The following C2CD2L variants were observed in gnomAD, a reference collection of about 807,000 sequenced individuals.
C2CD2L encodes phospholipid transfer protein C2CD2L.
A neutral mutation model predicts 69.9 loss-of-function variants in C2CD2L; 24 were observed. The observed-to-expected ratio is 0.34, with a 90% CI of 0.25 to 0.48. The LOEUF is 0.48. Among genes scored for constraint, C2CD2L ranks in the 20% least tolerant of loss-of-function variants. C2CD2L has a pLI of 0.99. For synonymous variants in C2CD2L, 367 were observed against 391.0 expected (o/e 0.94, Z 0.72); for missense variants, 811 against 941.5 (o/e 0.86, Z 1.81).
chr11:119,107,960 G>A lies in C2CD2L; in HGVS notation c.219G>A (p.Arg73=). Residue 73 remains arginine (R), a synonymous_variant, in exon 1 of 14, where the codon CGG becomes CGA. Coordinates refer to ENST00000648610, the MANE Select transcript of C2CD2L (RefSeq NM_001290474.2). This position sits in a 1 kb window ranked among gnomAD's most constrained non-coding sequence, Gnocchi z 5.4. ...TGTGGCGCTCGCTGCTGCGGCTGCG[G>A]GCGACTCGGGCTGGCGCCGCCGAGG... The part of the protein sequence containing the change: ...LGVWRSLLRL[R]ATRAGAAEEP... 1 of 1,548,902 alleles carries A rather than the reference G, an allele frequency of 6.5e-7. No homozygotes were observed. The highest frequency in any genetic ancestry group is 1.2e-5 in the South Asian group (1 of 85,032).
Position 119,112,570 on chromosome 11 carries a change from AG to A in C2CD2L, c.1176del (p.Ala394ProfsTer65). On this transcript the variant is annotated frameshift_variant, in exon 9 of 14. Coordinates refer to ENST00000648610, the MANE Select transcript of C2CD2L (RefSeq NM_001290474.2). LOFTEE classifies it high-confidence loss of function. ...AGTTGTGCCCACTCACCCCAGGGCC[AG>A]GGAAAGCCCTGGGACCAGCAGCCAC... ...RQLCPLTPGP[G>X]KALGPAATMA... 6.2e-7 allele frequency: 1 copy of A among 1,612,506 alleles called. No homozygotes were observed. Among genetic ancestry groups the A allele is most frequent in the Non-Finnish European group, 8.5e-7 (1 of 1,179,562 alleles).
In C2CD2L at chr11:119,107,625, AC is replaced by A. The variant is rs1946620013; in HGVS notation, c.-113del. ...GGCACTCAGCCGCGGAGAGCCCCCG[AC>A]CCCGCGCGCCCAGCCCCGGGGGAGC... is the stretch of plus-strand genomic sequence containing the variant. On this transcript the variant is annotated 5_prime_UTR_variant, in exon 1 of 14. Transcript: ENST00000648610. This position sits in a 1 kb window ranked among gnomAD's most constrained non-coding sequence, Gnocchi z 5.4. 3.8e-6 allele frequency: 2 copies of A among 524,626 alleles called. No homozygotes were observed. The highest frequency in any genetic ancestry group is 9.0e-5 in the Admixed American group (2 of 22,184). The allele number at this position is 524,626 out of a possible 1,614,324, so 32.5% of individuals were successfully genotyped here. A position where few individuals can be genotyped will look rare whatever the true frequency, so the allele number is the denominator to read the frequency against.
In C2CD2L at chr11:119,107,869, G is replaced by GCGGGGAC. The variant is rs1414451803; in HGVS notation, c.134_140dup (p.Ala51GlyfsTer78). ...CGGGGCTTGTGGCTGGCGCGGGCCC[G>GCGGGGAC]CGGGGACCGGGGCCCGGGACCCGCC... On this transcript the variant is annotated frameshift_variant, in exon 1 of 14. Coordinates refer to ENST00000648610, the MANE Select transcript of C2CD2L (RefSeq NM_001290474.2). LOFTEE classifies it high-confidence loss of function. This position sits in a 1 kb window ranked among gnomAD's most constrained non-coding sequence, Gnocchi z 5.4. 3 of 1,517,178 alleles carry GCGGGGAC rather than the reference G, an allele frequency of 2.0e-6. No individual in the cohort carries two copies. 94.0% of individuals were successfully genotyped at this position (1,517,178 alleles called of 1,614,324 possible). A position where few individuals can be genotyped will look rare whatever the true frequency, so the allele number is the denominator to read the frequency against.
At chr11:119,104,737 T>A (rs1946553250), upstream of C2CD2L, among the ~76,000 whole-genome samples, 2 of 152,228 alleles carry the variant, frequency 1.3e-5, no homozygotes, top group Non-Finnish European at 1.5e-5. Context: ...TAGCCTTGAG[T>A]GGCTCCCAAT....
At chr11:119,115,986 C>T (rs760864957) in intron 13 of C2CD2L, 59 bp from the exon 14 acceptor site, 1 of 1,393,370 alleles carries the variant, frequency 7.2e-7, no homozygotes, top group Admixed American at 1.8e-5. Context: ...CGTGTCTCTG[C>T]CCCCGTCTCA....
At chr11:119,113,441 TG>T in intron 10 of C2CD2L, 169 bp from the exon 11 acceptor site, 1 of 960,974 alleles carries the variant, frequency 1.0e-6, no homozygotes, top group Non-Finnish European at 1.5e-6. Flanking sequence ...CATTAGCTCC[TG>T]GGGTGTCTTT....
At chr11:119,111,764 G>T (rs972046109) in intron 7 of C2CD2L, 135 bp downstream of exon 7, 1 of 645,288 alleles carries the variant, frequency 1.5e-6, no homozygotes, top group Non-Finnish European at 2.7e-6. Context: ...AGGCCCTGGC[G>T]TGGGTCTTAG....
rs547150060 is a variant in C2CD2L, at chr11:119,113,617, C to G, written c.1394C>G (p.Pro465Arg). ...RPRIDGKLDS[P>R]SRSPSKVEVT... ...ACCCTCCCCCACCCACCAGACTCCCCCTCCCGCTCCCCGTCCAAGGTGGAG... is the reference window on the plus strand; with the variant it reads ...ACCCTCCCCCACCCACCAGACTCCCGCTCCCGCTCCCCGTCCAAGGTGGAG... The change falls in exon 11 of 14, where the codon CCC becomes CGC. Residue 465 changes from proline to arginine, a missense_variant. By Grantham distance (103) the Pro-to-Arg change is moderately radical (BLOSUM62 -2). Transcript: ENST00000648610. 1 of 1,613,078 alleles carries G rather than the reference C, an allele frequency of 6.2e-7. No homozygotes were observed. Among genetic ancestry groups the G allele is most frequent in the African/African-American group, 1.3e-5 (1 of 74,990 alleles).
intron 13 of C2CD2L, chr11:119,115,802 C>T (rs1389246479): frequency 5.1e-6 from 3 of 587,354 alleles, no homozygotes; most frequent in East Asian, 5.5e-5. Flanking sequence ...ACAAGTACCA[C>T]GATTTTTGCC....
At chr11:119,112,048 A>G in intron 7 of C2CD2L, 1 of 501,082 alleles carries the variant, frequency 2.0e-6, no homozygotes, top group Non-Finnish European at 3.6e-6. Context: ...GAAGAGCTGG[A>G]GCAAATGAAA....
intron 13 of C2CD2L, chr11:119,115,206 G>C (rs1245103216): frequency 7.0e-6 from 1 of 141,934 alleles, no homozygotes; most frequent in African/African-American, 2.6e-5. Context: ...AGTGAGCCCA[G>C]ATCATGACAC....
intron 13 of C2CD2L, chr11:119,115,746 G>A (rs59565858): frequency 0.073 from 35,053 of 478,742 alleles, 2,135 homozygotes; most frequent in South Asian, 0.28. Flanking sequence ...GGCCAGCTCC[G>A]TGATATCTCT....
At position 119,107,940 on chromosome 11, in the gene C2CD2L, C is replaced by A. The variant is rs1946632176; in HGVS notation, c.199C>A (p.Arg67Ser). ...TTCCCTGCGGGAGCTGGGCGTGTGG[C>A]GCTCGCTGCTGCGGCTGCGGGCGAC... ...AGSLRELGVW[R>S]SLLRLRATRA... is the part of the protein sequence containing the mutation. Residue 67 changes from arginine to serine, a missense_variant, in exon 1 of 14, where the codon CGC (arginine) becomes AGC (serine). Coordinates refer to ENST00000648610, the MANE Select transcript of C2CD2L (RefSeq NM_001290474.2). This position sits in a 1 kb window ranked among gnomAD's most constrained non-coding sequence, Gnocchi z 5.4. 2 of 1,543,616 alleles carry A rather than the reference C, an allele frequency of 1.3e-6. No individual in the cohort carries two copies. The highest frequency in any genetic ancestry group is 2.1e-5 in the Admixed American group (1 of 47,400).
chr11:119,112,251 C>T (rs1946762549), intron 7 of C2CD2L, 77 bp from the exon 8 acceptor site: 2 of 1,287,400 alleles, frequency 1.6e-6, no homozygotes, highest in Non-Finnish European at 2.2e-6. Context: ...CTCTCTGCCT[C>T]TGGCCTGTGA....
chr11:119,104,151 A>G (rs148684182), upstream of C2CD2L, among the ~76,000 whole-genome samples: 2 of 152,366 alleles, frequency 1.3e-5, no homozygotes, highest in East Asian at 3.9e-4. Context: ...AGGCAGCGAC[A>G]GTGAGACACC....
In C2CD2L at chr11:119,113,692, A is replaced by G; in HGVS notation, c.1469A>G (p.Asn490Ser). The G allele has an allele frequency of 2.5e-6, 4 of 1,614,032 alleles. No homozygotes were observed. Among genetic ancestry groups the G allele is most frequent in the East Asian group, 2.2e-5 (1 of 44,860 alleles). ...TVLSESSGPS[N>S]TSHSSSRDSH... The stretch of plus-strand genomic sequence containing the variant: ...CTGAGTGAGAGCAGTGGCCCCAGCA[A>G]TACCTCCCATAGCAGCAGCCGTGAG... The change falls in exon 11 of 14, where the codon AAT (asparagine) becomes AGT (serine). Residue 490 changes from asparagine (N) to serine (S), a missense_variant. Transcript: ENST00000648610.
At position 119,110,968 on chromosome 11, in the gene C2CD2L, A is replaced by G. The variant is rs767396451; in HGVS notation, c.681+11A>G. The G allele has an allele frequency of 1.9e-6, 3 of 1,614,020 alleles. No individual in the cohort carries two copies. Among genetic ancestry groups the G allele is most frequent in the Non-Finnish European group, 2.5e-6 (3 of 1,179,896 alleles). ...CTTCAGGCCAGGGAGGTAAGGAGGCAGAGCTGGCAGAGAAGAGGCAGAACG... is the reference window on the plus strand; with the variant it reads ...CTTCAGGCCAGGGAGGTAAGGAGGCGGAGCTGGCAGAGAAGAGGCAGAACG... On this transcript the variant is annotated intron_variant, in intron 4 of 13. Coordinates refer to ENST00000648610, the MANE Select transcript of C2CD2L (RefSeq NM_001290474.2). The surrounding 1 kb of genome is among the most constrained non-coding windows in gnomAD (Gnocchi z 5.7).
chr11:119,114,401 C>T lies in C2CD2L; in HGVS notation c.1909+36C>T. 1 of 1,601,032 alleles carries T rather than the reference C, an allele frequency of 6.2e-7. No individual in the cohort carries two copies. Among genetic ancestry groups the T allele is most frequent in the Non-Finnish European group, 8.5e-7 (1 of 1,171,196 alleles). On this transcript the variant is annotated intron_variant, in intron 13 of 13. Transcript: ENST00000648610. This position sits in a 1 kb window ranked among gnomAD's most constrained non-coding sequence, Gnocchi z 5.1. Reference sequence around the variant, plus strand: ...GTTGGCAGGGTGCCCCTCATCTCTTCTTTTATACACATATCATGACCTGGG... The same window carrying T: ...GTTGGCAGGGTGCCCCTCATCTCTTTTTTTATACACATATCATGACCTGGG...
Position 119,118,257 on chromosome 11 carries a change from C to T in C2CD2L, c.*2001C>T, listed in dbSNP as rs1592247882. The T allele has an allele frequency of 6.6e-6, 1 of 152,162 alleles. No homozygotes were observed. Among genetic ancestry groups the T allele is most frequent in the Non-Finnish European group, 1.5e-5 (1 of 68,036 alleles). 9.4% of individuals were successfully genotyped at this position (152,162 alleles called of 1,614,324 possible). On this transcript the variant is annotated 3_prime_UTR_variant, in exon 14 of 14. Coordinates refer to ENST00000648610, the MANE Select transcript of C2CD2L (RefSeq NM_001290474.2). ...CCCTCACCCTCCTCCCACCTTCTCA[C>T]CTTTCATAGTCTCCGATGTCTTTTA...
Sources: allele counts gnomAD v4.1 joint callset (sites outside exome capture counted in the v4.1 genomes callset), GRCh38; gene constraint gnomAD v4.1.1; non-coding constraint Gnocchi (gnomAD v3.1); transcripts MANE v1.5; gene names NCBI Gene and HGNC (gene_info 2026-07-23, HGNC 2026-07-21).